Variants in TNKS2 observed in about 807,000 individuals in gnomAD.
TNKS2 encodes poly [ADP-ribose] polymerase tankyrase-2.
TNKS2 carries 72 observed loss-of-function variants against 137.6 expected under a neutral mutation model. The ratio of observed to expected loss-of-function variants is 0.52; its 90% CI spans 0.43 to 0.64. The LOEUF (loss-of-function observed/expected upper bound fraction) is 0.64, where lower values mean the gene tolerates loss of function less well. TNKS2 is among the 30% of genes least tolerant of loss of function. The pLI is 0.00. For synonymous variants in TNKS2, 516 were observed against 512.1 expected, an observed-to-expected ratio of 1.01 and a Z score of -0.10; for missense variants, 1,049 against 1,410.2, an observed-to-expected ratio of 0.74 and a Z score of 4.10.
intron 7 of TNKS2, 79 bp downstream of exon 7, chr10:91,822,441 C>G: frequency 8.3e-7 from 1 of 1,204,852 alleles, no homozygotes; most frequent in Non-Finnish European, 1.2e-6. Context: ...GTCTGGGTTT[C>G]TTTTTATTTT....
intron 2 of TNKS2, among the ~76,000 whole-genome samples, chr10:91,815,379 T>C (rs1844652824): frequency 6.6e-6 from 1 of 152,226 alleles, no homozygotes; most frequent in Non-Finnish European, 1.5e-5. Flanking sequence ...TTGTCTTAAA[T>C]TGTTCCTGCC....
intron 2 of TNKS2, among the ~76,000 whole-genome samples, chr10:91,816,023 A>G (rs901026006): frequency 7.2e-6 from 1 of 138,822 alleles, no homozygotes; most frequent in Admixed American, 8.3e-5. Context: ...ATCTCCGCTC[A>G]CTGCAAGCTC....
At chr10:91,832,156 T>C (rs1164317771) in intron 11 of TNKS2, among the ~76,000 whole-genome samples, 1 of 152,238 alleles carries the variant, frequency 6.6e-6, no homozygotes, top group Non-Finnish European at 1.5e-5. Flanking sequence ...TGATCTTTCC[T>C]ATTGTAAATT....
At chr10:91,836,892 ACTCTT>A (rs1469684340) in intron 12 of TNKS2, 22 bp from the exon 13 acceptor site, 3 of 1,599,166 alleles carry the variant, frequency 1.9e-6, no homozygotes, top group East Asian at 4.5e-5. Context: ...GAGGTTAGTC[ACTCTT>A]CTCTCTCTCT....
chr10:91,810,908 C>CTCTTT (rs1207471217), intron 1 of TNKS2, among the ~76,000 whole-genome samples: 2 of 56,734 alleles, frequency 3.5e-5, no homozygotes, highest in Non-Finnish European at 3.6e-5. Flanking sequence ...TTTTCTTTCT[C>CTCTTT]TCTTTTCTTT....
At position 91,855,547 on chromosome 10, in the gene TNKS2, A is replaced by G. The variant is rs113335532; in HGVS notation, c.2914-67A>G. 2.6e-5 allele frequency: 32 copies of G among 1,243,184 alleles called. No individual in the cohort carries two copies. The South Asian group carries it at 3.1e-4, about 12-fold the overall frequency. 77.0% of individuals were successfully genotyped at this position (1,243,184 alleles called of 1,614,324 possible). On this transcript the variant is annotated intron_variant, in intron 22 of 26. Transcript: ENST00000371627. ...AATAGAATCAGACGAGTCAAGAACC[A>G]TGTTCCCCAAATCAGAAAATAACAC...
chr10:91,812,876 G>C, intron 1 of TNKS2, 107 bp from the exon 2 acceptor site: 1 of 1,475,436 alleles, frequency 6.8e-7, no homozygotes, highest in Non-Finnish European at 9.1e-7. Context: ...GAATTGTTGA[G>C]TCTGTTATTA....
chr10:91,833,481 C>T (rs926986359), intron 11 of TNKS2, among the ~76,000 whole-genome samples: 1 of 152,000 alleles, frequency 6.6e-6, no homozygotes, highest in African/African-American at 2.4e-5. Flanking sequence ...TAATTTATCT[C>T]TGGCTTTGTT....
intron 21 of TNKS2, among the ~76,000 whole-genome samples, chr10:91,852,708 C>T (rs1160202552): frequency 2.0e-5 from 3 of 152,146 alleles, no homozygotes; most frequent in Non-Finnish European, 4.4e-5. Context: ...GAGAAACCTC[C>T]ATCAGTAAAA....
intron 2 of TNKS2, among the ~76,000 whole-genome samples, chr10:91,815,290 C>T (rs1467073528): frequency 2.6e-5 from 4 of 152,146 alleles, no homozygotes; most frequent in African/African-American, 9.7e-5. Context: ...ACTTCACCAG[C>T]TTAGTTGAAA....
At chr10:91,819,651 A>T in intron 5 of TNKS2, 94 bp downstream of exon 5, 2 of 1,019,238 alleles carry the variant, frequency 2.0e-6, no homozygotes, top group South Asian at 3.5e-5. Context: ...ATATTTGAAG[A>T]GAGTGCTGAT....
At chr10:91,802,381 A>G (rs578076184) in intron 1 of TNKS2, among the ~76,000 whole-genome samples, 200 of 152,340 alleles carry the variant, frequency 1.3e-3, no homozygotes, top group African/African-American at 4.6e-3. Context: ...GTGAGTGGAT[A>G]TTACTTGTGT....
chr10:91,841,487 A>C (rs73327812), intron 15 of TNKS2, 39 bp downstream of exon 15: 1 of 1,492,376 alleles, frequency 6.7e-7, no homozygotes, highest in East Asian at 2.4e-5. Flanking sequence ...TATGAATTAC[A>C]TAGCATATGT....
intron 7 of TNKS2, among the ~76,000 whole-genome samples, chr10:91,826,443 A>G (rs1796812919): frequency 6.6e-6 from 1 of 152,252 alleles, no homozygotes; most frequent in Non-Finnish European, 1.5e-5. Flanking sequence ...AAAATGAACT[A>G]CTTGTGCAAC....
At chr10:91,841,501 T>C (rs745362063) in intron 15 of TNKS2, 53 bp downstream of exon 15, 1 of 1,395,770 alleles carries the variant, frequency 7.2e-7, no homozygotes, top group Non-Finnish European at 9.5e-7. Context: ...CATATGTTTA[T>C]GGTTTTCTAA....
At chr10:91,798,983 C>T (rs1036302204) in intron 1 of TNKS2, 94 bp downstream of exon 1, 5 of 1,260,634 alleles carry the variant, frequency 4.0e-6, no homozygotes, top group African/African-American at 1.6e-5. Context: ...CGCCTCCCGA[C>T]CTTTCTCCAG....
intron 24 of TNKS2, among the ~76,000 whole-genome samples, chr10:91,858,248 G>A (rs567927527): frequency 6.6e-6 from 1 of 152,136 alleles, no homozygotes; most frequent in East Asian, 1.9e-4. Context: ...TACCCTGGGA[G>A]AATGGCTGTA....
Position 91,798,584 on chromosome 10 carries a change from G to A in TNKS2, c.-107G>A, listed in dbSNP as rs933372371. 1.3e-5 allele frequency: 15 copies of A among 1,173,496 alleles called. 1 individual carries two copies. The South Asian group carries it at 4.4e-4, about 34-fold the overall frequency. The allele number at this position is 1,173,496 out of a possible 1,614,324, so 72.7% of individuals were successfully genotyped here. A position where few individuals can be genotyped will look rare whatever the true frequency, so the allele number is the denominator to read the frequency against. On this transcript the variant is annotated 5_prime_UTR_variant, in exon 1 of 27. Coordinates refer to ENST00000371627, the MANE Select transcript of TNKS2 (RefSeq NM_025235.4). ...GTGACAGCAGGGAGCCAAGCGGCCC[G>A]GGCCCTGAGCGCGTCTTCTCCGGGG... is the stretch of plus-strand genomic sequence containing the variant.
Position 91,820,004 on chromosome 10 carries a change from T to A in TNKS2, c.699T>A (p.His233Gln), listed in dbSNP as rs758548388. ...AGATTGTACAGCTGTTACTGCAACA[T>A]GGAGCTGATGTCCATGCTAAAGATA... The part of the protein sequence containing the change: ...RVKIVQLLLQ[H>Q]GADVHAKDKG... Residue 233 changes from histidine to glutamine, a missense_variant, in exon 6 of 27, where the codon CAT becomes CAA. Coordinates refer to ENST00000371627, the MANE Select transcript of TNKS2 (RefSeq NM_025235.4). The A allele has an allele frequency of 6.3e-7, 1 of 1,592,938 alleles. No homozygotes were observed.
Sources: allele counts gnomAD v4.1 joint callset (sites outside exome capture counted in the v4.1 genomes callset), GRCh38; gene constraint gnomAD v4.1.1; transcripts MANE v1.5; gene names NCBI Gene and HGNC (gene_info 2026-07-23, HGNC 2026-07-21).